The following BRCA2 variants were observed in gnomAD, a reference collection of about 807,000 sequenced individuals.
BRCA2 encodes the protein BRCA2 DNA repair associated.
BRCA2 carries 203 observed loss-of-function variants against 276.7 expected under a neutral mutation model. That is an observed-to-expected ratio of 0.73 (90% confidence interval 0.65 to 0.82). BRCA2 has a LOEUF of 0.82. Ranked by LOEUF, BRCA2 falls within the 40% of genes least tolerant of loss-of-function variation. The pLI, the probability that BRCA2 is intolerant of heterozygous loss-of-function variation, is 0.00. For missense variants in BRCA2, 3,920 were observed against 3,915.0 expected, an observed-to-expected ratio of 1.00 and a Z score of -0.03; for synonymous variants, 1,289 against 1,338.4, an observed-to-expected ratio of 0.96 and a Z score of 0.81.
rs1026952353 is a variant in BRCA2 at position 32,318,069 on chromosome 13, C to CATT, written c.68-1000_68-998dup. Among the ~76,000 whole-genome samples, 2 of 152,136 alleles carry CATT rather than the reference C, an allele frequency of 1.3e-5. 1 individual carries two copies. Among genetic ancestry groups the CATT allele is most frequent in the African/African-American group, 4.8e-5 (2 of 41,514 alleles). ...TTAGGACATTCTTACATTAAACTGG[C>CATT]ATTATTATTACTATTATTTTTAACA... On this transcript the variant is annotated intron_variant, in intron 2 of 26. Transcript: ENST00000380152.
intron 10 of BRCA2, among the ~76,000 whole-genome samples, chr13:32,334,829 C>T (rs2072435698): frequency 6.6e-6 from 1 of 152,154 alleles, no homozygotes; most frequent in African/African-American, 2.4e-5. Context: ...ATTTCTGCAT[C>T]TCCGTGGTGT....
chr13:32,338,181 GA>G lies in BRCA2; in HGVS notation c.3830del (p.Asn1277IlefsTer7), dbSNP rs397507689. On this transcript the variant is annotated frameshift_variant, in exon 11 of 27. Coordinates refer to ENST00000380152, the MANE Select transcript of BRCA2 (RefSeq NM_000059.4). LOFTEE classifies it high-confidence loss of function. ...TTCTGTTGTTTCAATGTTTAAGATA[GA>G]AAATCATAATGATAAAACTGTAAGT... ...HDSVVSMFKIENHNDKTVSEK... is the reference protein window; with the variant it reads ...HDSVVSMFKIXNHNDKTVSEK... 6.4e-7 allele frequency: 1 copy of G among 1,568,580 alleles called. No homozygotes were observed. The highest frequency in any genetic ancestry group is 8.6e-7 in the Non-Finnish European group (1 of 1,156,952).
chr13:32,317,696 A>T (rs1270847838), intron 2 of BRCA2, among the ~76,000 whole-genome samples: 1 of 152,228 alleles, frequency 6.6e-6, no homozygotes, highest in Non-Finnish European at 1.5e-5. Flanking sequence ...GTCTTTTAAG[A>T]TTGGGTAGAA....
chr13:32,338,565 TC>T lies in BRCA2; in HGVS notation c.4211del (p.Ser1404Ter), dbSNP rs398122777. Reference sequence around the variant, plus strand: ...TCAAGAAGCATGTCATGGTAATACTTCAAATAAAGAACAGTTAACTGCTACT... The same window carrying T: ...TCAAGAAGCATGTCATGGTAATACTTAAATAAAGAACAGTTAACTGCTACT... ...KAQEACHGNT[S>X]NKEQLTATKT... On this transcript the variant is annotated frameshift_variant, in exon 11 of 27. Transcript: ENST00000380152. LOFTEE classifies it high-confidence loss of function. The T allele has an allele frequency of 1.9e-6, 3 of 1,596,418 alleles. No homozygotes were observed. The African/African-American group carries it at 4.0e-5, about 22-fold the overall frequency.
At chr13:32,373,436 G>A (rs1395303115) in intron 20 of BRCA2, among the ~76,000 whole-genome samples, 1 of 151,806 alleles carries the variant, frequency 6.6e-6, no homozygotes, top group Non-Finnish European at 1.5e-5. Flanking sequence ...AATCCAGGAG[G>A]CAGAGATTGC....
rs529047256 is a variant in BRCA2, at chr13:32,358,454, C to T, written c.7805+525C>T. ...TTGAGCCACTGCACTCCAGGCTGGG[C>T]GATAAGAGTGAGACTCCATCTCAAA... On this transcript the variant is annotated intron_variant, in intron 16 of 26. Coordinates refer to ENST00000380152, the MANE Select transcript of BRCA2 (RefSeq NM_000059.4). 5.8e-5 allele frequency among the ~76,000 whole-genome samples: 8 copies of T among 137,284 alleles called. No homozygotes were observed. In the South Asian group the frequency reaches 6.8e-4, roughly 12 times the overall value. The allele number at this position is 137,284 out of a possible 152,430, so 90.1% of individuals were successfully genotyped here. A position where few individuals can be genotyped will look rare whatever the true frequency, so the allele number is the denominator to read the frequency against.
chr13:32,333,469 A>T, intron 10 of BRCA2, 82 bp downstream of exon 10: 2 of 1,418,228 alleles, frequency 1.4e-6, no homozygotes, highest in East Asian at 4.7e-5. Flanking sequence ...TCTGCTTTTT[A>T]AAATCTTCAT....
chr13:32,339,358 C>T lies in BRCA2; in HGVS notation c.5003C>T (p.Ala1668Val), dbSNP rs80358724. 6.3e-7 allele frequency: 1 copy of T among 1,590,330 alleles called. No individual in the cohort carries two copies. The highest frequency in any genetic ancestry group is 8.5e-7 in the Non-Finnish European group (1 of 1,169,956). ...QSPYSVIENSALAFYTSCSRK... is the reference protein window; with the variant it reads ...QSPYSVIENSVLAFYTSCSRK... ...CCTTATTCAGTCATTGAAAATTCAG[C>T]CTTAGCTTTTTACACAAGTTGTAGT... The change falls in exon 11 of 27, where the codon GCC (alanine) becomes GTC (valine). Residue 1668 changes from alanine to valine, a missense_variant. This residue lies in a region of BRCA2 where 3,263 missense variants were observed against 3,156.9 expected (regional missense o/e 1.03). Transcript: ENST00000380152.
rs61754138 is a variant in BRCA2 at position 32,357,750 on chromosome 13, G to C, written c.7626G>C (p.Thr2542=). ...PSACSHKQLY[T]YGVSKHCIKI... is the part of the protein sequence containing the mutation. ...GTGTTTATTTTGTGTAGCTGTATAC[G>C]TATGGCGTTTCTAAACATTGCATAA... Residue 2542 remains threonine (T), a synonymous_variant, in exon 16 of 27, where the codon ACG becomes ACC. Coordinates refer to ENST00000380152, the MANE Select transcript of BRCA2 (RefSeq NM_000059.4). 1.2e-6 allele frequency: 2 copies of C among 1,611,658 alleles called. No individual in the cohort carries two copies. The highest frequency in any genetic ancestry group is 8.5e-7 in the Non-Finnish European group (1 of 1,178,172).
At chr13:32,325,594 G>A (rs1462048742) in intron 4 of BRCA2, among the ~76,000 whole-genome samples, 5 of 143,946 alleles carry the variant, frequency 3.5e-5, no homozygotes, top group African/African-American at 1.0e-4. Flanking sequence ...AGGCTGTAGT[G>A]CAGTGGTGCG....
intron 16 of BRCA2, among the ~76,000 whole-genome samples, chr13:32,362,230 A>G (rs918334072): frequency 3.3e-5 from 5 of 151,852 alleles, no homozygotes; most frequent in Non-Finnish European, 5.9e-5. Flanking sequence ...GGGTCTCACT[A>G]TGTTGCCTAG....
rs559164771 is a variant in BRCA2, at chr13:32,368,233, G to A, written c.8332-2169G>A. 2.6e-5 allele frequency among the ~76,000 whole-genome samples: 4 copies of A among 151,744 alleles called. No homozygotes were observed. The East Asian group carries it at 5.8e-4, about 22-fold the overall frequency. On this transcript the variant is annotated intron_variant, in intron 18 of 26. Coordinates refer to ENST00000380152, the MANE Select transcript of BRCA2 (RefSeq NM_000059.4). ...GACAGGGCTTCACTATGTTGGCTAC[G>A]CTGGTGTTGAACTCCTGACCTCGTG...
rs730881592 is a variant in BRCA2, at chr13:32,341,207, A to G, written c.6841+11A>G. ...CCCTTATCTTAGTGGGTAAGTGTTC[A>G]TTTTTACCTTTCGTGTTGCCAATCA... On this transcript the variant is annotated intron_variant, in intron 11 of 26. Transcript: ENST00000380152. 6.0e-5 allele frequency: 97 copies of G among 1,613,678 alleles called. 1 individual carries two copies. The highest frequency in any genetic ancestry group is 1.0e-4 in the Admixed American group (6 of 59,982).
At chr13:32,331,644 G>T (rs759040981) in intron 9 of BRCA2, among the ~76,000 whole-genome samples, 2 of 151,620 alleles carry the variant, frequency 1.3e-5, no homozygotes, top group East Asian at 3.9e-4. Context: ...ATATGTGGTT[G>T]TGACACAAAA....
At chr13:32,383,512 T>C (rs1191686922) in intron 24 of BRCA2, among the ~76,000 whole-genome samples, 1 of 152,142 alleles carries the variant, frequency 6.6e-6, no homozygotes, top group African/African-American at 2.4e-5. Flanking sequence ...TGTTGTTGTG[T>C]GATATTTTTT....
At chr13:32,326,371 G>T in intron 6 of BRCA2, 89 bp downstream of exon 6, 7 of 1,499,752 alleles carry the variant, frequency 4.7e-6, no homozygotes, top group Non-Finnish European at 6.5e-6. Flanking sequence ...TTACAAATCT[G>T]TACCTAGCAT....
chr13:32,365,473 C>T (rs900453014), intron 18 of BRCA2, among the ~76,000 whole-genome samples: 3 of 152,046 alleles, frequency 2.0e-5, no homozygotes, highest in African/African-American at 4.8e-5. Flanking sequence ...CTCCGCCTCT[C>T]GGGTTCAAGT....
At position 32,333,175 on chromosome 13, in the gene BRCA2, C is replaced by T. The variant is rs762559804; in HGVS notation, c.1697C>T (p.Thr566Ile). 6.2e-7 allele frequency: 1 copy of T among 1,613,854 alleles called. No homozygotes were observed. The highest frequency in any genetic ancestry group is 8.5e-7 in the Non-Finnish European group (1 of 1,179,946). Reference sequence around the variant, plus strand: ...ATTGATAATGGAAGCTGGCCAGCCACCACCACACAGAATTCTGTAGCTTTG... The same window carrying T: ...ATTGATAATGGAAGCTGGCCAGCCATCACCACACAGAATTCTGTAGCTTTG... ...NLIDNGSWPA[T>I]TTQNSVALKN... is the part of the protein sequence containing the mutation. Residue 566 changes from threonine (T) to isoleucine (I), a missense_variant, in exon 10 of 27, where the codon ACC becomes ATC. By Grantham distance (89) the Thr-to-Ile change is moderately conservative. Around this residue, in one of 2 missense-constraint regions of BRCA2, gnomAD observed 3,263 missense variants for 3,156.9 expected, o/e 1.03. Transcript: ENST00000380152.
rs777845659 is a variant in BRCA2 at position 32,332,609 on chromosome 13, G to C, written c.1131G>C (p.Glu377Asp). The C allele has an allele frequency of 2.5e-6, 4 of 1,614,110 alleles. No individual in the cohort carries two copies. In the Admixed American group the frequency reaches 6.7e-5, roughly 27 times the overall value. Residue 377 changes from glutamate (E) to aspartate (D), a missense_variant, in exon 10 of 27, where the codon GAG becomes GAC. Coordinates refer to ENST00000380152, the MANE Select transcript of BRCA2 (RefSeq NM_000059.4). Reference protein sequence around the residue: ...DSNVANQKPFESGSDKISKEV... With the variant: ...DSNVANQKPFDSGSDKISKEV... ...ATGTAGCAAATCAGAAGCCCTTTGAGAGTGGAAGTGACAAAATCTCCAAGG... is the reference window on the plus strand; with the variant it reads ...ATGTAGCAAATCAGAAGCCCTTTGACAGTGGAAGTGACAAAATCTCCAAGG...
Sources: allele counts gnomAD v4.1 joint callset (sites outside exome capture counted in the v4.1 genomes callset), GRCh38; gene constraint gnomAD v4.1.1; regional missense constraint gnomAD v4.1.1; transcripts MANE v1.5; gene names NCBI Gene and HGNC (gene_info 2026-07-23, HGNC 2026-07-21).